Variants in AGBL1 observed in about 807,000 individuals in gnomAD.
AGBL1 encodes AGBL carboxypeptidase 1, also known as cytosolic carboxypeptidase 4.
In AGBL1, 130 loss-of-function variants were observed where a neutral mutation model predicts 118.9. The ratio of observed to expected loss-of-function variants is 1.09; its 90% CI spans 0.95 to 1.26. The LOEUF (loss-of-function observed/expected upper bound fraction) is 1.26, where lower values mean the gene tolerates loss of function less well. AGBL1 is among the 50% of genes most tolerant of loss of function. AGBL1 has a pLI of 0.00. For missense variants in AGBL1, 1,584 were observed against 1,298.1 expected (o/e 1.22, Z -3.38); for synonymous variants, 555 against 478.9 (o/e 1.16, Z -2.08).
intron 4 of AGBL1, 109 bp from the exon 5 acceptor site, chr15:86,158,824 T>C: frequency 1.1e-6 from 1 of 884,904 alleles, no homozygotes. Context: ...AAGGGAGCTA[T>C]CTTGTTTATC....
chr15:86,853,402 A>G (rs1158995944), intron 22 of AGBL1, among the ~76,000 whole-genome samples: 1 of 152,208 alleles, frequency 6.6e-6, no homozygotes, highest in Non-Finnish European at 1.5e-5. Flanking sequence ...AAATAAATAA[A>G]ATTAGCTATT....
At chr15:86,386,568 T>C (rs1416526324) in intron 17 of AGBL1, among the ~76,000 whole-genome samples, 2 of 151,814 alleles carry the variant, frequency 1.3e-5, no homozygotes, top group African/African-American at 4.8e-5. Context: ...CCACTTAAAT[T>C]CATTTCATTT....
chr15:86,963,262 G>A (rs1292043175), intron 23 of AGBL1, among the ~76,000 whole-genome samples: 1 of 152,078 alleles, frequency 6.6e-6, no homozygotes, highest in Non-Finnish European at 1.5e-5. Context: ...TGGCATGAAT[G>A]TGCCACGGCT....
chr15:86,887,302 T>C (rs2079984375), intron 22 of AGBL1, among the ~76,000 whole-genome samples: 1 of 152,198 alleles, frequency 6.6e-6, no homozygotes. Context: ...AATCGATCTA[T>C]CTTGGCTGTT....
At chr15:86,639,732 C>G (rs1270047247) in intron 21 of AGBL1, among the ~76,000 whole-genome samples, 2 of 152,164 alleles carry the variant, frequency 1.3e-5, no homozygotes, top group East Asian at 3.9e-4. Flanking sequence ...GCTGATCCCT[C>G]TTTGGGGAGT....
intron 17 of AGBL1, among the ~76,000 whole-genome samples, chr15:86,391,328 A>G (rs2081281213): frequency 6.6e-6 from 1 of 152,202 alleles, no homozygotes; most frequent in Admixed American, 6.5e-5. Flanking sequence ...AAATGTGCAT[A>G]GTATGTACCT....
chr15:86,116,175 T>C (rs1027520233), intron 1 of AGBL1, among the ~76,000 whole-genome samples: 1 of 152,248 alleles, frequency 6.6e-6, no homozygotes, highest in Non-Finnish European at 1.5e-5. Flanking sequence ...TTTGTGAGTA[T>C]TGCTCTAGGT....
intron 18 of AGBL1, among the ~76,000 whole-genome samples, chr15:86,453,955 CACTG>C (rs2082229707): frequency 6.6e-6 from 1 of 152,204 alleles, no homozygotes; most frequent in South Asian, 2.1e-4. Flanking sequence ...CCACCTTGGT[CACTG>C]ACAGACATAA....
intron 1 of AGBL1, among the ~76,000 whole-genome samples, chr15:86,103,233 G>A (rs1233797549): frequency 6.6e-6 from 1 of 152,092 alleles, no homozygotes; most frequent in East Asian, 1.9e-4. Flanking sequence ...GTTCATCTGT[G>A]TTCTGTAGCA....
chr15:86,437,161 GT>G (rs1001294360), intron 18 of AGBL1, among the ~76,000 whole-genome samples: 1 of 152,116 alleles, frequency 6.6e-6, no homozygotes, highest in African/African-American at 2.4e-5. Flanking sequence ...GTGTAAGAAG[GT>G]ATGGACTAGA....
intron 16 of AGBL1, among the ~76,000 whole-genome samples, chr15:86,294,335 G>T (rs1567182773): frequency 6.9e-6 from 1 of 145,748 alleles, no homozygotes; most frequent in Non-Finnish European, 1.5e-5. Flanking sequence ...GGAGGTGGAG[G>T]TTGCAATGAT....
chr15:86,711,978 T>C (rs184505488), intron 22 of AGBL1, among the ~76,000 whole-genome samples: 12 of 152,294 alleles, frequency 7.9e-5, no homozygotes, highest in Admixed American at 5.2e-4. Context: ...GTGGGTCTTA[T>C]TTCTGCTGTC....
At chr15:86,495,188 T>C (rs2142149839) in intron 18 of AGBL1, among the ~76,000 whole-genome samples, 1 of 151,938 alleles carries the variant, frequency 6.6e-6, no homozygotes, top group East Asian at 1.9e-4. Flanking sequence ...ATGTCTTTGG[T>C]TAACTTTTAA....
chr15:86,176,211 TC>T (rs1386366550), intron 5 of AGBL1, among the ~76,000 whole-genome samples: 1 of 152,174 alleles, frequency 6.6e-6, no homozygotes, highest in Admixed American at 6.5e-5. Flanking sequence ...GGCAGAACTG[TC>T]CTGAAGCCTG....
rs1209761789 is a variant in AGBL1, at chr15:86,613,430, C to T, written c.2994+58893C>T. Among the ~76,000 whole-genome samples the T allele has an allele frequency of 6.6e-6, 1 of 152,134 alleles. No homozygotes were observed. The highest frequency in any genetic ancestry group is 1.5e-5 in the Non-Finnish European group (1 of 68,018). On this transcript the variant is annotated intron_variant, in intron 21 of 22. Transcript: ENST00000614907. This position sits in a 1 kb window ranked among gnomAD's most constrained non-coding sequence, Gnocchi z 4.2. Reference sequence around the variant, plus strand: ...TCTGGCATGTTCAAAGCTGCTTAGCCAGATGAGTGGCAGGAGGAGCTGTGG... The same window carrying T: ...TCTGGCATGTTCAAAGCTGCTTAGCTAGATGAGTGGCAGGAGGAGCTGTGG...
chr15:86,390,010 A>G (rs1008327731), intron 17 of AGBL1, among the ~76,000 whole-genome samples: 1 of 152,166 alleles, frequency 6.6e-6, no homozygotes, highest in Non-Finnish European at 1.5e-5. Context: ...ATATACAACC[A>G]TATGGTGCTT....
At chr15:86,735,244 G>A (rs1034478631) in intron 22 of AGBL1, among the ~76,000 whole-genome samples, 11 of 151,994 alleles carry the variant, frequency 7.2e-5, no homozygotes, top group African/African-American at 2.7e-4. Context: ...ACCGTGCCCA[G>A]CTAATTTTTT....
At chr15:87,017,898 T>G (rs1465054480) in intron 24 of AGBL1, among the ~76,000 whole-genome samples, 1 of 152,012 alleles carries the variant, frequency 6.6e-6, no homozygotes, top group Non-Finnish European at 1.5e-5. Context: ...GCTATAATCA[T>G]CATAAAACAA....
At chr15:86,122,534 C>T (rs905630048) in intron 1 of AGBL1, among the ~76,000 whole-genome samples, 1 of 152,094 alleles carries the variant, frequency 6.6e-6, no homozygotes. Flanking sequence ...ACATCATCAG[C>T]TACATCATGT....
Sources: allele counts gnomAD v4.1 joint callset (sites outside exome capture counted in the v4.1 genomes callset), GRCh38; gene constraint gnomAD v4.1.1; non-coding constraint Gnocchi (gnomAD v3.1); transcripts MANE v1.5; gene names NCBI Gene and HGNC (gene_info 2026-07-23, HGNC 2026-07-21).